CD209: variants seen among roughly 807,000 people sequenced by gnomAD.
CD209 encodes CD209 antigen.
In CD209, 31 loss-of-function variants were observed where a neutral mutation model predicts 44.7. That is an observed-to-expected ratio of 0.69 (90% CI 0.52 to 0.94). CD209 has a LOEUF of 0.94. CD209 is among the 40% of genes least tolerant of loss of function. CD209 has a pLI of 0.00. For synonymous variants in CD209, 173 were observed against 181.3 expected (o/e 0.95, Z 0.37); for missense variants, 407 against 452.4 (o/e 0.90, Z 0.91).
Position 7,740,459 on chromosome 19 carries a change from GGCT to G in CD209, c.*2577_*2579del. 1 of 784,942 alleles carries G rather than the reference GGCT, an allele frequency of 1.3e-6. No individual in the cohort carries two copies. The allele number at this position is 784,942 out of a possible 1,614,324, so 48.6% of individuals were successfully genotyped here. The stretch of plus-strand genomic sequence containing the variant: ...AGGGGCGGGGCGGTGCCGGCAAGAT[GGCT>G]GCGCCCGAAAAGGTGACATTTCCAG... On this transcript the variant is annotated 3_prime_UTR_variant, in exon 7 of 7. Coordinates refer to ENST00000315599, the MANE Select transcript of CD209 (RefSeq NM_021155.4).
chr19:7,747,329 G>A lies in CD209; in HGVS notation c.83C>T (p.Thr28Ile). 1 of 1,614,230 alleles carries A rather than the reference G, an allele frequency of 6.2e-7. No homozygotes were observed. The highest frequency in any genetic ancestry group is 8.5e-7 in the Non-Finnish European group (1 of 1,180,032). Residue 28 changes from threonine (T) to isoleucine (I), a missense_variant, in exon 2 of 7, where the codon ACT (threonine) becomes ATT (isoleucine). Thr to Ile is a moderately conservative substitution (Grantham distance 89). Coordinates refer to ENST00000315599, the MANE Select transcript of CD209 (RefSeq NM_021155.4). ...ACCTGCTAAGCTCTTGTATCCTCGA[G>A]TCTGTCGGAATCCAAGGCCTCTCAG... ...EQLRGLGFRQTRGYKSLAGCL... is the reference protein window; with the variant it reads ...EQLRGLGFRQIRGYKSLAGCL...
chr19:7,747,370 A>G lies in CD209; in HGVS notation c.47-5T>C, dbSNP rs1052039544. The G allele has an allele frequency of 1.2e-6, 2 of 1,614,028 alleles. No homozygotes were observed. The highest frequency in any genetic ancestry group is 1.3e-5 in the African/African-American group (1 of 74,882). ...GGCCTCTCAGCTGTTCCTCCTCTGA[A>G]TGGATAGACGTGAAATCAGAGCCTG... On this transcript the variant is annotated splice_polypyrimidine_tract_variant and splice_region_variant and intron_variant, in intron 1 of 6. Coordinates refer to ENST00000315599, the MANE Select transcript of CD209 (RefSeq NM_021155.4).
intron 6 of CD209, among the ~76,000 whole-genome samples, chr19:7,743,520 C>T (rs931322487): frequency 2.0e-5 from 3 of 152,102 alleles, no homozygotes; most frequent in Admixed American, 6.5e-5. Context: ...CCTTACTGGG[C>T]TCTTGTACTC....
intron 6 of CD209, among the ~76,000 whole-genome samples, chr19:7,743,640 G>A (rs546635685): frequency 6.6e-6 from 1 of 152,166 alleles, no homozygotes; most frequent in African/African-American, 2.4e-5. Context: ...TCCTAAGCCT[G>A]TTCACCTGGC....
At chr19:7,746,143 C>A in intron 3 of CD209, 56 bp from the exon 4 acceptor site, 1 of 1,605,140 alleles carries the variant, frequency 6.2e-7, no homozygotes. Context: ...TGTGCCAAGC[C>A]TTGAACTGAG....
chr19:7,745,201 G>A (rs563255539), intron 4 of CD209, 109 bp from the exon 5 acceptor site: 17 of 1,424,418 alleles, frequency 1.2e-5, no homozygotes, highest in African/African-American at 1.4e-5. Context: ...GACTGTCCAC[G>A]CCGGGTAGAC....
rs996746988 is a variant in CD209 at position 7,742,842 on chromosome 19, A to G, written c.*197T>C. 4 of 600,522 alleles carry G rather than the reference A, an allele frequency of 6.7e-6. No individual in the cohort carries two copies. The African/African-American group carries it at 7.4e-5, about 11-fold the overall frequency. The allele number at this position is 600,522 out of a possible 1,614,324, so 37.2% of individuals were successfully genotyped here. On this transcript the variant is annotated 3_prime_UTR_variant, in exon 7 of 7. Transcript: ENST00000315599. ...TCCACCCCCAAAGGCATCCCACACCAGCTCACTCATAAAGCTCCAAGGATG... is the reference window on the plus strand; with the variant it reads ...TCCACCCCCAAAGGCATCCCACACCGGCTCACTCATAAAGCTCCAAGGATG...
rs754462130 is a variant in CD209 at position 7,744,102 on chromosome 19, T to A, written c.1013+5A>T. On this transcript the variant is annotated splice_donor_5th_base_variant and intron_variant, in intron 6 of 6. Transcript: ENST00000315599. ...AGTGGATAGGGTGCCCCTTCTGAGA[T>A]CTACCTGGGCAACAGAGGTGAGCCG... 6.2e-7 allele frequency: 1 copy of A among 1,608,570 alleles called. No individual in the cohort carries two copies. Among genetic ancestry groups the A allele is most frequent in the Non-Finnish European group, 8.5e-7 (1 of 1,175,036 alleles).
chr19:7,741,700 AATG>A lies in CD209; in HGVS notation c.*1336_*1338del. The A allele has an allele frequency of 1.4e-6, 1 of 704,618 alleles. No individual in the cohort carries two copies. Among genetic ancestry groups the A allele is most frequent in the South Asian group, 1.4e-5 (1 of 73,750 alleles). 43.6% of individuals were successfully genotyped at this position (704,618 alleles called of 1,614,324 possible). A position where few individuals can be genotyped will look rare whatever the true frequency, so the allele number is the denominator to read the frequency against. On this transcript the variant is annotated 3_prime_UTR_variant, in exon 7 of 7. Coordinates refer to ENST00000315599, the MANE Select transcript of CD209 (RefSeq NM_021155.4). ...AATTCTGCCCAGTGGCTCGGTGGAA[AATG>A]ATGATTTGTGGTTTATTTGAAATAC...
rs1599467676 is a variant in CD209, at chr19:7,741,108, G to C, written c.*1931C>G. ...ATGACTATGACTCCGAAGCAAGCCT[G>C]GAGTACAGCGAGGAAGAAACCTACC... On this transcript the variant is annotated 3_prime_UTR_variant, in exon 7 of 7. Coordinates refer to ENST00000315599, the MANE Select transcript of CD209 (RefSeq NM_021155.4). 1 of 1,028,980 alleles carries C rather than the reference G, an allele frequency of 9.7e-7. No homozygotes were observed. Among genetic ancestry groups the C allele is most frequent in the Non-Finnish European group, 1.5e-6 (1 of 679,062 alleles). 63.7% of individuals were successfully genotyped at this position (1,028,980 alleles called of 1,614,324 possible). A position where few individuals can be genotyped will look rare whatever the true frequency, so the allele number is the denominator to read the frequency against.
At position 7,747,094 on chromosome 19, in the gene CD209, T is replaced by G. The variant is rs141685143; in HGVS notation, c.106+212A>C. Among the ~76,000 whole-genome samples the G allele has an allele frequency of 8.7e-3, 1,292 of 149,074 alleles. 8 individuals are homozygous for G. The highest frequency in any genetic ancestry group is 0.03 in the African/African-American group (1,197 of 40,050). ...AGGAACCCAGGCTTCAACTTCTACC[T>G]CCCCAGAACCCAGGAGTCTTGGCCC... On this transcript the variant is annotated intron_variant, in intron 2 of 6. Coordinates refer to ENST00000315599, the MANE Select transcript of CD209 (RefSeq NM_021155.4).
chr19:7,741,782 A>G lies in CD209; in HGVS notation c.*1257T>C, dbSNP rs1158858916. Reference sequence around the variant, plus strand: ...CTTTCTTCAGGTGTTGAGAAATCCAATAGAGACCTCTGCTTGTCTCCTCCT... The same window carrying G: ...CTTTCTTCAGGTGTTGAGAAATCCAGTAGAGACCTCTGCTTGTCTCCTCCT... On this transcript the variant is annotated 3_prime_UTR_variant, in exon 7 of 7. Transcript: ENST00000315599. The G allele has an allele frequency of 5.7e-6, 3 of 527,704 alleles. No individual in the cohort carries two copies. Among genetic ancestry groups the G allele is most frequent in the East Asian group, 9.4e-5 (2 of 21,358 alleles). The allele number at this position is 527,704 out of a possible 1,614,324, so 32.7% of individuals were successfully genotyped here.
rs763608847 is a variant in CD209, at chr19:7,746,514, G to T, written c.124C>A (p.Pro42Thr). Residue 42 changes from proline (P) to threonine (T), a missense_variant, in exon 3 of 7, where the codon CCC becomes ACC. Transcript: ENST00000315599. ...AAGGAGAGGAGTTGCAGCACCAGGG[G>T]ACCATGGCCAAGACACCCTGAGAGA... is the stretch of plus-strand genomic sequence containing the variant. The part of the protein sequence containing the change: ...KSLAGCLGHG[P>T]LVLQLLSFTL... 6.2e-7 allele frequency: 1 copy of T among 1,613,784 alleles called. No individual in the cohort carries two copies. Among genetic ancestry groups the T allele is most frequent in the South Asian group, 1.1e-5 (1 of 91,084 alleles).
intron 2 of CD209, 112 bp downstream of exon 2, chr19:7,747,194 C>T (rs1470484088): frequency 2.7e-6 from 3 of 1,121,810 alleles, no homozygotes; most frequent in African/African-American, 3.1e-5. Flanking sequence ...GTCCAGGCCC[C>T]TAGCCCCACA....
At chr19:7,747,264 G>C in intron 2 of CD209, 42 bp downstream of exon 2, 5 of 1,606,540 alleles carry the variant, frequency 3.1e-6, no homozygotes, top group Non-Finnish European at 4.3e-6. Context: ...AGGAGTCCAG[G>C]AGTCTCTCGT....
At chr19:7,745,456 A>G in intron 4 of CD209, 62 bp downstream of exon 4, 1 of 1,611,518 alleles carries the variant, frequency 6.2e-7, no homozygotes, top group South Asian at 1.1e-5. Flanking sequence ...CAGTGACTCA[A>G]GCAAACTCAC....
chr19:7,744,964 C>A lies in CD209; in HGVS notation c.877G>T (p.Val293Leu). ...ACKEVGAQLV[V>L]IKSAEEQNFL... ...ACCTGCTCCTCAGCACTTTTGATTA[C>A]GACGAGCTGGGCCCCCACTTCTTTG... The change falls in exon 5 of 7, where the codon GTA becomes TTA. Residue 293 changes from valine (V) to leucine (L), a missense_variant. By Grantham distance (32) the Val-to-Leu change is conservative (BLOSUM62 1). Transcript: ENST00000315599. 6.2e-7 allele frequency: 1 copy of A among 1,614,220 alleles called. No homozygotes were observed. Among genetic ancestry groups the A allele is most frequent in the Non-Finnish European group, 8.5e-7 (1 of 1,180,024 alleles).
chr19:7,747,332 T>G lies in CD209; in HGVS notation c.80A>C (p.Gln27Pro), dbSNP rs1323402118. 1.2e-6 allele frequency: 2 copies of G among 1,614,120 alleles called. No homozygotes were observed. Among genetic ancestry groups the G allele is most frequent in the African/African-American group, 2.7e-5 (2 of 74,936 alleles). The change falls in exon 2 of 7, where the codon CAG becomes CCG. Residue 27 changes from glutamine (Q) to proline (P), a missense_variant. Gln to Pro is a moderately conservative substitution (Grantham distance 76, BLOSUM62 -1). Around this residue, in one of 3 missense-constraint regions of CD209, gnomAD observed 122 missense variants for 110.3 expected, o/e 1.11. Transcript: ENST00000315599. ...TGCTAAGCTCTTGTATCCTCGAGTC[T>G]GTCGGAATCCAAGGCCTCTCAGCTG... ...EEQLRGLGFRQTRGYKSLAGC... is the reference protein window; with the variant it reads ...EEQLRGLGFRPTRGYKSLAGC...
intron 3 of CD209, 43 bp downstream of exon 3, chr19:7,746,417 A>T: frequency 6.3e-7 from 1 of 1,599,288 alleles, no homozygotes; most frequent in Non-Finnish European, 8.6e-7. Context: ...CACAGCCAAA[A>T]GCCAGGCGTG....
Sources: allele counts gnomAD v4.1 joint callset (sites outside exome capture counted in the v4.1 genomes callset), GRCh38; gene constraint gnomAD v4.1.1; regional missense constraint gnomAD v4.1.1; transcripts MANE v1.5; gene names NCBI Gene and HGNC (gene_info 2026-07-23, HGNC 2026-07-21).